The following TOM1L2 variants were observed in gnomAD, a reference collection of about 807,000 sequenced individuals.
TOM1L2 encodes the protein target of myb1 like 2 membrane trafficking protein, also known as TOM1-like protein 2.
A neutral mutation model predicts 67.9 loss-of-function variants in TOM1L2; 31 were observed. The observed-to-expected ratio is 0.46, with a 90% CI of 0.34 to 0.62. TOM1L2 has a LOEUF of 0.62. TOM1L2 is among the 20% of genes least tolerant of loss of function. The pLI is 0.01. For synonymous variants in TOM1L2, 256 were observed against 254.0 expected, an observed-to-expected ratio of 1.01 and a Z score of -0.07; for missense variants, 606 against 663.5, an observed-to-expected ratio of 0.91 and a Z score of 0.95.
At chr17:17,956,912 G>T (rs2041482396) in intron 1 of TOM1L2, among the ~76,000 whole-genome samples, 1 of 152,238 alleles carries the variant, frequency 6.6e-6, no homozygotes, top group Admixed American at 6.5e-5. Context: ...CCAGGGAGGG[G>T]TTCTCACAGT....
intron 1 of TOM1L2, among the ~76,000 whole-genome samples, chr17:17,956,151 C>T (rs1020034311): frequency 2.6e-5 from 4 of 152,200 alleles, no homozygotes; most frequent in African/African-American, 9.7e-5. Context: ...TGGCCCCACC[C>T]ACATCCTGCT....
chr17:17,940,215 A>T (rs2040676807), intron 1 of TOM1L2, among the ~76,000 whole-genome samples: 1 of 150,932 alleles, frequency 6.6e-6, no homozygotes, highest in African/African-American at 2.4e-5. Flanking sequence ...AAAAAAAAAA[A>T]AAAGGAAGAA....
Position 17,884,775 on chromosome 17 carries a change from T to A in TOM1L2, c.367-7A>T. ...GAAAGGCATCAGCCCATGCCTGGGA[T>A]AATAGAAGGCCTGTTAGGAAGCATT... On this transcript the variant is annotated splice_polypyrimidine_tract_variant and splice_region_variant and intron_variant, in intron 4 of 14. Coordinates refer to ENST00000379504, the MANE Select transcript of TOM1L2 (RefSeq NM_001082968.2). The A allele has an allele frequency of 6.2e-7, 1 of 1,613,130 alleles. No individual in the cohort carries two copies. Among genetic ancestry groups the A allele is most frequent in the Non-Finnish European group, 8.5e-7 (1 of 1,179,996 alleles).
intron 1 of TOM1L2, among the ~76,000 whole-genome samples, chr17:17,953,083 C>A: frequency 6.6e-6 from 1 of 151,910 alleles, no homozygotes. Flanking sequence ...AGTTTGAGAC[C>A]GCCTGGCCAA....
At chr17:17,885,028 G>C (rs2037924814) in intron 4 of TOM1L2, among the ~76,000 whole-genome samples, 1 of 152,254 alleles carries the variant, frequency 6.6e-6, no homozygotes, top group Admixed American at 6.5e-5. Context: ...TTGGAGAAGA[G>C]ACAGAGAAAT....
intron 1 of TOM1L2, among the ~76,000 whole-genome samples, chr17:17,962,784 C>G (rs1168346204): frequency 4.6e-5 from 7 of 151,922 alleles, no homozygotes; most frequent in Non-Finnish European, 1.0e-4. Context: ...CATGGTGAAA[C>G]CCTATCTCTA....
At chr17:17,937,184 C>G (rs1014643532) in intron 1 of TOM1L2, among the ~76,000 whole-genome samples, 6 of 152,350 alleles carry the variant, frequency 3.9e-5, no homozygotes, top group African/African-American at 1.4e-4. Flanking sequence ...CCAGAGTTAT[C>G]TGGCAGGCTA....
intron 12 of TOM1L2, chr17:17,858,898 A>T (rs1172571882): frequency 6.6e-6 from 1 of 151,516 alleles, no homozygotes; most frequent in Non-Finnish European, 1.5e-5. Flanking sequence ...TTGCATTTTT[A>T]TTAGAGACAG....
At chr17:17,955,376 G>T (rs1401382995) in intron 1 of TOM1L2, among the ~76,000 whole-genome samples, 1 of 116,544 alleles carries the variant, frequency 8.6e-6, no homozygotes, top group Non-Finnish European at 1.6e-5. Flanking sequence ...GACTTGCTCT[G>T]TCGCCAGGCT....
rs923751883 is a variant in TOM1L2 at position 17,858,186 on chromosome 17, A to G, written c.1278+3290T>C. 10 of 205,240 alleles carry G rather than the reference A, an allele frequency of 4.9e-5. No individual in the cohort carries two copies. The East Asian group carries it at 1.0e-3, about 21-fold the overall frequency. The allele number at this position is 205,240 out of a possible 1,614,324, so 12.7% of individuals were successfully genotyped here. ...GAGGGGGTCAACTTTTCAAAGAACC[A>G]GCTTTTACAAAAGCAATTCTACTTT... On this transcript the variant is annotated intron_variant, in intron 12 of 14. Coordinates refer to ENST00000379504, the MANE Select transcript of TOM1L2 (RefSeq NM_001082968.2).
intron 1 of TOM1L2, among the ~76,000 whole-genome samples, chr17:17,923,547 G>A (rs1200596627): frequency 1.3e-5 from 2 of 151,886 alleles, no homozygotes; most frequent in Non-Finnish European, 2.9e-5. Context: ...TTAATTAGCT[G>A]GGCGCAGTGG....
chr17:17,865,737 C>A lies in TOM1L2; in HGVS notation c.1084+559G>T, dbSNP rs530614466. 1.5e-4 allele frequency among the ~76,000 whole-genome samples: 21 copies of A among 140,702 alleles called. No individual in the cohort carries two copies. In the East Asian group the frequency reaches 4.3e-3, roughly 29 times the overall value. 92.3% of individuals were successfully genotyped at this position (140,702 alleles called of 152,430 possible). A position where few individuals can be genotyped will look rare whatever the true frequency, so the allele number is the denominator to read the frequency against. ...GTTCCATATAAAACATGGCAGGTGA[C>A]CTTTCTTTTTTTTTTTTTTTTTTTT... is the stretch of plus-strand genomic sequence containing the variant. On this transcript the variant is annotated intron_variant, in intron 10 of 14. Coordinates refer to ENST00000379504, the MANE Select transcript of TOM1L2 (RefSeq NM_001082968.2).
chr17:17,911,839 A>T (rs1484842668), intron 1 of TOM1L2, among the ~76,000 whole-genome samples: 1 of 147,006 alleles, frequency 6.8e-6, no homozygotes, highest in Non-Finnish European at 1.5e-5. Context: ...ACTTGAGATT[A>T]GGGAGTGGTG....
chr17:17,970,412 T>A (rs1047774726), intron 1 of TOM1L2, among the ~76,000 whole-genome samples: 4 of 152,146 alleles, frequency 2.6e-5, no homozygotes, highest in African/African-American at 9.7e-5. Context: ...ATTTACTACC[T>A]TGTCATTTTA....
intron 2 of TOM1L2, 30 bp downstream of exon 2, chr17:17,907,417 A>AGGCTTCCCAGGAGAGGGGG: frequency 6.2e-7 from 1 of 1,607,900 alleles, no homozygotes; most frequent in Non-Finnish European, 8.5e-7. Flanking sequence ...AAGCTCAGAG[A>AGGCTTCCCAGGAGAGGGGG]GGCTTCCCAG....
intron 1 of TOM1L2, among the ~76,000 whole-genome samples, chr17:17,945,340 TA>T (rs2040901837): frequency 6.6e-6 from 1 of 151,778 alleles, no homozygotes; most frequent in African/African-American, 2.4e-5. Context: ...TAACTTACAT[TA>T]AAAATATATA....
At chr17:17,874,719 T>C (rs2037334193) in intron 7 of TOM1L2, among the ~76,000 whole-genome samples, 1 of 152,202 alleles carries the variant, frequency 6.6e-6, no homozygotes, top group Admixed American at 6.5e-5. Flanking sequence ...TGCTCTGGCC[T>C]TGTGTTTGCT....
At chr17:17,967,021 A>G (rs1310910433) in intron 1 of TOM1L2, among the ~76,000 whole-genome samples, 7 of 152,102 alleles carry the variant, frequency 4.6e-5, no homozygotes, top group Admixed American at 4.6e-4. Flanking sequence ...TCATCTTGTG[A>G]TTGTGTGAGT....
chr17:17,962,324 A>T lies in TOM1L2; in HGVS notation c.52+9938T>A, dbSNP rs1019913315. Reference sequence around the variant, plus strand: ...AGATGGCCAGTGGTGATTGTTGCATATTTTTTTTTTTTTAGGGATGGAGTC... The same window carrying T: ...AGATGGCCAGTGGTGATTGTTGCATTTTTTTTTTTTTTTAGGGATGGAGTC... On this transcript the variant is annotated intron_variant, in intron 1 of 14. Transcript: ENST00000379504. 8.9e-3 allele frequency among the ~76,000 whole-genome samples: 1,300 copies of T among 146,458 alleles called. 16 individuals are homozygous for T. Among genetic ancestry groups the T allele is most frequent in the African/African-American group, 0.031 (1,244 of 39,834 alleles).
Sources: allele counts gnomAD v4.1 joint callset (sites outside exome capture counted in the v4.1 genomes callset), GRCh38; gene constraint gnomAD v4.1.1; transcripts MANE v1.5; gene names NCBI Gene and HGNC (gene_info 2026-07-23, HGNC 2026-07-21).